Variants in PTPRH observed in about 807,000 individuals in gnomAD.
The protein encoded by PTPRH is protein tyrosine phosphatase receptor type H, also known as receptor-type tyrosine-protein phosphatase H.
A neutral mutation model predicts 130.2 loss-of-function variants in PTPRH; 113 were observed. The ratio of observed to expected loss-of-function variants is 0.87; its 90% CI spans 0.75 to 1.01. PTPRH has a LOEUF of 1.01. PTPRH is among the 50% of genes least tolerant of loss of function. The pLI, the probability that PTPRH is intolerant of heterozygous loss-of-function variation, is 0.00. For synonymous variants in PTPRH, 556 were observed against 577.9 expected, an observed-to-expected ratio of 0.96 and a Z score of 0.54; for missense variants, 1,430 against 1,425.0, an observed-to-expected ratio of 1.00 and a Z score of -0.06.
chr19:55,207,607 A>G (rs1366574446), intron 1 of PTPRH, among the ~76,000 whole-genome samples: 7 of 103,424 alleles, frequency 6.8e-5, no homozygotes, highest in South Asian at 3.2e-4. Flanking sequence ...CTGAGGGAGG[A>G]GGGGCTGGGG....
Position 55,203,939 on chromosome 19 carries a change from A to G in PTPRH, c.729T>C (p.Val243=). 1 of 1,614,162 alleles carries G rather than the reference A, an allele frequency of 6.2e-7. No homozygotes were observed. The highest frequency in any genetic ancestry group is 8.5e-7 in the Non-Finnish European group (1 of 1,180,022). Residue 243 remains valine, a synonymous_variant, in exon 5 of 20, where the codon GTT becomes GTC. Coordinates refer to ENST00000376350, the MANE Select transcript of PTPRH (RefSeq NM_002842.5). ...GTDPQNSTYC[V]QCTGDGGRTE... is the part of the protein sequence containing the mutation. ...TTCTGCCACCATCTCCAGTGCACTG[A>G]ACGCAGTAGGTCGAGTTCTGTGGGT...
intron 10 of PTPRH, among the ~76,000 whole-genome samples, chr19:55,194,815 G>A (rs1012772738): frequency 3.3e-5 from 5 of 152,078 alleles, no homozygotes; most frequent in African/African-American, 1.2e-4. Context: ...ATCCACAAAC[G>A]TTCCTAGCGG....
Position 55,203,989 on chromosome 19 carries a change from T to A in PTPRH, c.679A>T (p.Ser227Cys). 1.2e-6 allele frequency: 2 copies of A among 1,614,200 alleles called. No individual in the cohort carries two copies. Among genetic ancestry groups the A allele is most frequent in the Non-Finnish European group, 1.7e-6 (2 of 1,180,008 alleles). ...EAQTTSSISLSWEVPDGTDPQ... is the reference protein window; with the variant it reads ...EAQTTSSISLCWEVPDGTDPQ... ...TCTGTGCCATCGGGGACCTCCCAGC[T>A]CAGGGAGATGGAGCTGGTGGTCTGA... The change falls in exon 5 of 20, where the codon AGC becomes TGC. Residue 227 changes from serine (S) to cysteine (C), a missense_variant. By Grantham distance (112) the Ser-to-Cys change is moderately radical (BLOSUM62 -1). Coordinates refer to ENST00000376350, the MANE Select transcript of PTPRH (RefSeq NM_002842.5).
rs202052377 is a variant in PTPRH, at chr19:55,186,378, C to T, written c.2644-19G>A. The T allele has an allele frequency of 3.7e-4, 600 of 1,609,708 alleles. 3 individuals are homozygous for T. Among genetic ancestry groups the T allele is most frequent in the Admixed American group, 2.6e-3 (153 of 59,718 alleles). Reference sequence around the variant, plus strand: ...AGAGACCCTGGTTGAGGAAGGCAGGCGGGTCAGGGGGGCCTTTAGTTGATC... The same window carrying T: ...AGAGACCCTGGTTGAGGAAGGCAGGTGGGTCAGGGGGGCCTTTAGTTGATC... On this transcript the variant is annotated intron_variant, in intron 15 of 19. Transcript: ENST00000376350.
At chr19:55,183,800 T>A (rs1182620857) in intron 18 of PTPRH, among the ~76,000 whole-genome samples, 1 of 152,162 alleles carries the variant, frequency 6.6e-6, no homozygotes, top group Non-Finnish European at 1.5e-5. Context: ...CTCTATCTAC[T>A]TGCAAAACAC....
intron 10 of PTPRH, among the ~76,000 whole-genome samples, chr19:55,195,864 C>T (rs1407367982): frequency 6.6e-6 from 1 of 152,110 alleles, no homozygotes; most frequent in Non-Finnish European, 1.5e-5. Flanking sequence ...AGCCACTGTG[C>T]CCACTCTATG....
chr19:55,203,163 T>TA (rs1441583261), intron 5 of PTPRH, among the ~76,000 whole-genome samples: 1 of 149,942 alleles, frequency 6.7e-6, no homozygotes, highest in Non-Finnish European at 1.5e-5. Flanking sequence ...CCGTCTCTAC[T>TA]AAAAATACAA....
intron 14 of PTPRH, 27 bp downstream of exon 14, chr19:55,187,486 C>A: frequency 6.3e-7 from 1 of 1,586,964 alleles, no homozygotes; most frequent in South Asian, 1.1e-5. Context: ...AGGGCTGGGA[C>A]AAAAGCAGCA....
In PTPRH at chr19:55,196,472, G is replaced by T. The variant is rs183196238; in HGVS notation, c.2257+50C>A. 4.1e-5 allele frequency: 64 copies of T among 1,574,864 alleles called. 1 individual carries two copies. The East Asian group carries it at 1.3e-3, about 33-fold the overall frequency. On this transcript the variant is annotated intron_variant, in intron 10 of 19. Coordinates refer to ENST00000376350, the MANE Select transcript of PTPRH (RefSeq NM_002842.5). The stretch of plus-strand genomic sequence containing the variant: ...TTTCCTCACAATGGGGCCTGATGGG[G>T]TCTACCGAGAATTTCATCATAGCTG...
At chr19:55,188,482 C>A (rs2086432803) in intron 12 of PTPRH, among the ~76,000 whole-genome samples, 1 of 152,124 alleles carries the variant, frequency 6.6e-6, no homozygotes, top group South Asian at 2.1e-4. Flanking sequence ...CACTGCACTC[C>A]AGCCTGGGTG....
In PTPRH at chr19:55,202,031, C is replaced by G. The variant is rs566026099; in HGVS notation, c.1153+25G>C. On this transcript the variant is annotated intron_variant, in intron 6 of 19. Transcript: ENST00000376350. ...ACTGTCCCTTAAACAAATAAGAGAT[C>G]AAACAAATGGCGACTGCCTCTCACC... The G allele has an allele frequency of 1.1e-5, 17 of 1,611,880 alleles. 1 individual carries two copies. In the South Asian group the frequency reaches 1.9e-4, roughly 18 times the overall value.
chr19:55,182,150 C>T lies in PTPRH; in HGVS notation c.3064G>A (p.Ala1022Thr). Residue 1022 changes from alanine (A) to threonine (T), a missense_variant and splice_region_variant, in exon 19 of 20, where the codon GCT becomes ACT. By Grantham distance (58) the Ala-to-Thr change is moderately conservative (BLOSUM62 0). Coordinates refer to ENST00000376350, the MANE Select transcript of PTPRH (RefSeq NM_002842.5). ...EGGPPIVHCS[A>T]GVGRTGTLIA... ...AGGGTTCCTGTGCGACCCACGCCAG[C>T]ACTAGGCAGAACAAGGGAAGGGTCA... 3 of 1,613,534 alleles carry T rather than the reference C, an allele frequency of 1.9e-6. No individual in the cohort carries two copies. Among genetic ancestry groups the T allele is most frequent in the Non-Finnish European group, 2.5e-6 (3 of 1,179,968 alleles).
At chr19:55,182,698 C>T (rs1185425352) in intron 18 of PTPRH, among the ~76,000 whole-genome samples, 1 of 152,152 alleles carries the variant, frequency 6.6e-6, no homozygotes, top group Non-Finnish European at 1.5e-5. Context: ...GTCCCATTCC[C>T]CAGGCCACTC....
At chr19:55,188,248 C>T (rs1188157170) in intron 12 of PTPRH, 80 bp from the exon 13 acceptor site, 1 of 1,162,392 alleles carries the variant, frequency 8.6e-7, no homozygotes, top group Non-Finnish European at 1.3e-6. Context: ...CATGGTGGCT[C>T]ACGCCTGTAA....
chr19:55,202,163 G>A lies in PTPRH; in HGVS notation c.1046C>T (p.Thr349Ile), dbSNP rs765796304. ...GRAGTRSTAH[T>I]NITVDRLEPG... Reference sequence around the variant, plus strand: ...TTCAAGTCTATCCACGGTGATGTTGGTGTGTGCTGTGCTTCGAGTCCCTGC... The same window carrying A: ...TTCAAGTCTATCCACGGTGATGTTGATGTGTGCTGTGCTTCGAGTCCCTGC... Residue 349 changes from threonine (T) to isoleucine (I), a missense_variant, in exon 6 of 20, where the codon ACC (threonine) becomes ATC (isoleucine). By Grantham distance (89) the Thr-to-Ile change is moderately conservative. Coordinates refer to ENST00000376350, the MANE Select transcript of PTPRH (RefSeq NM_002842.5). The A allele has an allele frequency of 6.8e-6, 11 of 1,614,194 alleles. No individual in the cohort carries two copies. The South Asian group carries it at 1.2e-4, about 18-fold the overall frequency.
intron 18 of PTPRH, among the ~76,000 whole-genome samples, chr19:55,183,278 C>G (rs1260227583): frequency 4.0e-5 from 6 of 150,274 alleles, no homozygotes; most frequent in Non-Finnish European, 5.9e-5. Context: ...GTGGCGGGCG[C>G]CTGTAGTCCC....
At chr19:55,189,560 G>A (rs1485536764) in intron 12 of PTPRH, among the ~76,000 whole-genome samples, 2 of 152,106 alleles carry the variant, frequency 1.3e-5, no homozygotes, top group African/African-American at 2.4e-5. Flanking sequence ...CCCTCCACGC[G>A]CCCATCCCTG....
chr19:55,197,715 T>C (rs983722746), intron 8 of PTPRH, among the ~76,000 whole-genome samples: 1 of 152,174 alleles, frequency 6.6e-6, no homozygotes, highest in African/African-American at 2.4e-5. Context: ...GGATTCTCTG[T>C]ATCGCTTCAG....
Position 55,206,827 on chromosome 19 carries a change from C to T in PTPRH, c.214G>A (p.Gly72Ser), listed in dbSNP as rs139926741. The T allele has an allele frequency of 1.2e-3, 1,901 of 1,614,104 alleles. 26 individuals carry two copies. The highest frequency in any genetic ancestry group is 3.4e-4 in the Non-Finnish European group (404 of 1,180,024). ...NYWVQCTGDGGTTETRNTTAT... is the reference protein window; with the variant it reads ...NYWVQCTGDGSTTETRNTTAT... ...GTTGTGTTTCGAGTCTCTGTTGTGC[C>T]GCCGTCTCCAGTACACTGAACCCAG... The change falls in exon 3 of 20, where the codon GGC becomes AGC. Residue 72 changes from glycine (G) to serine (S), a missense_variant. Coordinates refer to ENST00000376350, the MANE Select transcript of PTPRH (RefSeq NM_002842.5).
Sources: gnomAD v4.1 joint callset for allele counts (sites outside exome capture counted in the v4.1 genomes callset) on GRCh38, gnomAD v4.1.1 for gene constraint, MANE v1.5 for transcripts, NCBI Gene and HGNC (gene_info 2026-07-23, HGNC 2026-07-21) for gene names.